DDR2: variants seen among roughly 807,000 people sequenced by gnomAD.
DDR2 encodes discoidin domain-containing receptor 2.
A neutral mutation model predicts 94.9 loss-of-function variants in DDR2; 27 were observed. The ratio of observed to expected loss-of-function variants is 0.28; its 90% CI spans 0.21 to 0.39. DDR2 has a LOEUF of 0.39. DDR2 is among the 10% of genes least tolerant of loss of function. The pLI is 1.00. For missense variants in DDR2, 783 were observed against 1,076.0 expected, an observed-to-expected ratio of 0.73 and a Z score of 3.81; for synonymous variants, 382 against 377.2, an observed-to-expected ratio of 1.01 and a Z score of -0.15.
intron 3 of DDR2, among the ~76,000 whole-genome samples, chr1:162,751,898 T>C (rs2684865): frequency 0.84 from 128,093 of 152,198 alleles, 54,693 homozygotes; most frequent in Non-Finnish European, 0.92. Context: ...TCGCAAGGAC[T>C]GAAGGCCAAG....
chr1:162,751,799 A>G (rs1256678941), intron 3 of DDR2, among the ~76,000 whole-genome samples: 1 of 152,228 alleles, frequency 6.6e-6, no homozygotes, highest in Non-Finnish European at 1.5e-5. Flanking sequence ...CATATACACC[A>G]TGGAATACTA....
chr1:162,638,323 G>C (rs1656943246), intron 1 of DDR2, among the ~76,000 whole-genome samples: 1 of 151,988 alleles, frequency 6.6e-6, no homozygotes, highest in South Asian at 2.1e-4. Flanking sequence ...GCCCGGCCTG[G>C]GACTGTACTT....
intron 2 of DDR2, among the ~76,000 whole-genome samples, chr1:162,667,078 T>C (rs1008335986): frequency 6.6e-6 from 1 of 151,902 alleles, no homozygotes; most frequent in Non-Finnish European, 1.5e-5. Context: ...TCTATCTATC[T>C]CCAAGTCAAT....
chr1:162,642,448 GTT>G (rs10601565), intron 1 of DDR2, among the ~76,000 whole-genome samples: 27,721 of 137,160 alleles, frequency 0.2, 2,983 homozygotes, highest in Admixed American at 0.3. Flanking sequence ...AATTTTCTGT[GTT>G]TTTTTTTTTT....
intron 3 of DDR2, among the ~76,000 whole-genome samples, chr1:162,736,963 T>C (rs148242346): frequency 2.8e-4 from 43 of 152,362 alleles, no homozygotes; most frequent in Non-Finnish European, 4.4e-4. Context: ...TCTGATTCCA[T>C]GTCTTCACTA....
intron 7 of DDR2, 120 bp from the exon 8 acceptor site, chr1:162,759,676 T>C: frequency 1.7e-6 from 2 of 1,146,906 alleles, no homozygotes; most frequent in South Asian, 1.3e-5. Context: ...ATCCTTCAAT[T>C]CCAAGATAAT....
intron 11 of DDR2, among the ~76,000 whole-genome samples, chr1:162,767,800 T>C (rs1385082294): frequency 4.5e-5 from 2 of 44,276 alleles, no homozygotes; most frequent in African/African-American, 1.2e-4. Flanking sequence ...ACTTTGCTTG[T>C]CTGTTTGGTG....
chr1:162,782,743 T>C lies in DDR2; in HGVS notation c.*2497T>C, dbSNP rs994182590. 2.0e-5 allele frequency: 3 copies of C among 146,480 alleles called. No individual in the cohort carries two copies. The highest frequency in any genetic ancestry group is 6.6e-5 in the Admixed American group (1 of 15,058). 9.1% of individuals were successfully genotyped at this position (146,480 alleles called of 1,614,324 possible). A position where few individuals can be genotyped will look rare whatever the true frequency, so the allele number is the denominator to read the frequency against. On this transcript the variant is annotated 3_prime_UTR_variant, in exon 18 of 18. Coordinates refer to ENST00000367921, the MANE Select transcript of DDR2 (RefSeq NM_006182.4). ...CACTGGGTTATTCTATGATTCCATA[T>C]TTTTTTTAAAAAAAATCATATTTAA...
chr1:162,727,980 T>G (rs1389360157), intron 3 of DDR2, among the ~76,000 whole-genome samples: 4 of 127,504 alleles, frequency 3.1e-5, no homozygotes, highest in East Asian at 2.2e-4. Context: ...TATATATAGA[T>G]ATAATCACAC....
At chr1:162,710,538 A>C (rs1660854397) in intron 2 of DDR2, among the ~76,000 whole-genome samples, 2 of 152,184 alleles carry the variant, frequency 1.3e-5, no homozygotes, top group Admixed American at 1.3e-4. Flanking sequence ...TGCCAAAACC[A>C]AGCTCATTTC....
intron 2 of DDR2, among the ~76,000 whole-genome samples, chr1:162,658,933 T>C (rs1335768576): frequency 6.6e-6 from 1 of 152,076 alleles, no homozygotes; most frequent in African/African-American, 2.4e-5. Flanking sequence ...AGAAACATTC[T>C]GAAAAGCATA....
chr1:162,720,392 T>C (rs1661367397), intron 3 of DDR2, among the ~76,000 whole-genome samples: 1 of 151,810 alleles, frequency 6.6e-6, no homozygotes, highest in Non-Finnish European at 1.5e-5. Flanking sequence ...TTGTACTTTA[T>C]ATAAATGGAA....
intron 2 of DDR2, among the ~76,000 whole-genome samples, chr1:162,687,531 A>T (rs1659743131): frequency 1.3e-5 from 2 of 152,198 alleles, no homozygotes; most frequent in Admixed American, 1.3e-4. Context: ...CATAACATCA[A>T]GGGCTGCTTT....
chr1:162,673,938 A>G (rs2101943262), intron 2 of DDR2, among the ~76,000 whole-genome samples: 1 of 152,030 alleles, frequency 6.6e-6, no homozygotes, highest in African/African-American at 2.4e-5. Context: ...CTTTTTACAC[A>G]TACTCTCTCT....
At chr1:162,693,401 G>A (rs552199576) in intron 2 of DDR2, among the ~76,000 whole-genome samples, 15 of 152,280 alleles carry the variant, frequency 9.9e-5, no homozygotes, top group South Asian at 4.1e-4. Context: ...TTTCTGAACC[G>A]CCTTTGTGTT....
chr1:162,765,954 GCTGT>G, intron 9 of DDR2, 43 bp from the exon 10 acceptor site: 1 of 1,580,166 alleles, frequency 6.3e-7, no homozygotes, highest in African/African-American at 1.3e-5. Flanking sequence ...GAAAACACTA[GCTGT>G]CTGTCTTCTC....
chr1:162,688,101 G>A (rs1659776501), intron 2 of DDR2, among the ~76,000 whole-genome samples: 1 of 152,222 alleles, frequency 6.6e-6, no homozygotes, highest in Non-Finnish European at 1.5e-5. Context: ...AAGAGCCACT[G>A]CTCTGGACAT....
intron 2 of DDR2, among the ~76,000 whole-genome samples, chr1:162,668,466 G>A (rs1032946874): frequency 6.6e-6 from 1 of 152,184 alleles, no homozygotes; most frequent in Non-Finnish European, 1.5e-5. Flanking sequence ...TCACAGTTCT[G>A]GAGGCTAGAA....
chr1:162,684,143 C>G (rs1239877061), intron 2 of DDR2, among the ~76,000 whole-genome samples: 1 of 152,142 alleles, frequency 6.6e-6, no homozygotes, highest in Non-Finnish European at 1.5e-5. Context: ...AGTCAGGAAG[C>G]CCAGGTTTAG....
Sources: allele counts gnomAD v4.1 joint callset (sites outside exome capture counted in the v4.1 genomes callset), GRCh38; gene constraint gnomAD v4.1.1; transcripts MANE v1.5; gene names NCBI Gene and HGNC (gene_info 2026-07-23, HGNC 2026-07-21).